ARL14EPL: variants seen among roughly 807,000 people sequenced by gnomAD.
ARL14EPL encodes the protein ARL14 effector protein-like.
Under a neutral mutation model 15.9 loss-of-function variants are expected in ARL14EPL, and 17 were observed. The ratio of observed to expected loss-of-function variants is 1.07; its 90% confidence interval spans 0.73 to 1.60. The LOEUF is 1.60. Among genes scored for constraint, ARL14EPL ranks in the 40% most tolerant of loss-of-function variants. ARL14EPL has a pLI of 0.00. For synonymous variants in ARL14EPL, 78 were observed against 63.8 expected, an observed-to-expected ratio of 1.22 and a Z score of -1.06; for missense variants, 214 against 185.9, an observed-to-expected ratio of 1.15 and a Z score of -0.88.
intron 3 of ARL14EPL, among the ~76,000 whole-genome samples, 164 bp from the exon 4 acceptor site, chr5:116,058,561 G>A (rs1440805259): frequency 6.6e-6 from 1 of 152,144 alleles, no homozygotes; most frequent in Non-Finnish European, 1.5e-5. Context: ...AGTGTTTCTG[G>A]TAATCCCTGG....
At chr5:116,053,974 T>C in intron 2 of ARL14EPL, 40 bp from the exon 3 acceptor site, 20 of 1,476,904 alleles carry the variant, frequency 1.4e-5, no homozygotes, top group Non-Finnish European at 1.6e-5. Context: ...CAGATAAAAC[T>C]ATCTGGTTCT....
At chr5:116,034,275 C>A (rs557557689) in intron 1 of ARL14EPL, among the ~76,000 whole-genome samples, 3 of 152,160 alleles carry the variant, frequency 2.0e-5, no homozygotes, top group Non-Finnish European at 4.4e-5. Context: ...GATGCCAGGG[C>A]TCTCAGGGTT....
chr5:116,049,781 C>G (rs1016138705), intron 1 of ARL14EPL, among the ~76,000 whole-genome samples: 4 of 152,194 alleles, frequency 2.6e-5, no homozygotes, highest in African/African-American at 9.7e-5. Flanking sequence ...TAAAACACCA[C>G]ATATAAGTCT....
intron 1 of ARL14EPL, among the ~76,000 whole-genome samples, chr5:116,036,290 CT>C (rs1230718387): frequency 3.3e-5 from 5 of 152,200 alleles, no homozygotes; most frequent in African/African-American, 1.2e-4. Flanking sequence ...CCATTACACT[CT>C]GAGAAGCCTC....
chr5:116,059,296 G>C lies in ARL14EPL; in HGVS notation c.*349G>C, dbSNP rs1749593959. 3 of 228,748 alleles carry C rather than the reference G, an allele frequency of 1.3e-5. No homozygotes were observed. Among genetic ancestry groups the C allele is most frequent in the Non-Finnish European group, 2.6e-5 (3 of 114,320 alleles). 14.2% of individuals were successfully genotyped at this position (228,748 alleles called of 1,614,324 possible). A position where few individuals can be genotyped will look rare whatever the true frequency, so the allele number is the denominator to read the frequency against. ...AAGATTTTCAAAACTCTGTAGTTGA[G>C]AGCTTTTCTTACATAGAACATAGAA... On this transcript the variant is annotated 3_prime_UTR_variant, in exon 4 of 4. Coordinates refer to ENST00000686077, the MANE Select transcript of ARL14EPL (RefSeq NM_001195581.2).
intron 1 of ARL14EPL, among the ~76,000 whole-genome samples, chr5:116,046,840 C>T (rs1437732247): frequency 1.3e-5 from 2 of 152,112 alleles, no homozygotes; most frequent in Non-Finnish European, 2.9e-5. Context: ...GTCTGAATTC[C>T]AGCATGACTA....
intron 3 of ARL14EPL, among the ~76,000 whole-genome samples, chr5:116,055,679 G>C (rs1025248513): frequency 1.3e-5 from 2 of 151,684 alleles, no homozygotes; most frequent in East Asian, 1.9e-4. Flanking sequence ...TTAAGTTCTA[G>C]GGTACATGTG....
At position 116,058,914 on chromosome 5, in the gene ARL14EPL, C is replaced by T. The variant is rs896389260; in HGVS notation, c.426C>T (p.Val142=). The change falls in exon 4 of 4, where the codon GTC becomes GTT. Residue 142 remains valine, a synonymous_variant. Transcript: ENST00000686077. The part of the protein sequence containing the change: ...YDAIVTESGE[V]ISTLPFNVPD ...CCATCGTCACTGAGTCAGGAGAGGTCATCAGCACGCTGCCGTTTAATGTTC... is the reference window on the plus strand; with the variant it reads ...CCATCGTCACTGAGTCAGGAGAGGTTATCAGCACGCTGCCGTTTAATGTTC... 2 of 1,535,958 alleles carry T rather than the reference C, an allele frequency of 1.3e-6. No individual in the cohort carries two copies. Among genetic ancestry groups the T allele is most frequent in the Non-Finnish European group, 1.7e-6 (2 of 1,146,888 alleles).
intron 1 of ARL14EPL, among the ~76,000 whole-genome samples, chr5:116,044,642 A>T (rs78741625): frequency 0.019 from 2,955 of 152,188 alleles, 100 homozygotes; most frequent in East Asian, 0.13. Flanking sequence ...TTAACTCTAG[A>T]TTAACTGATT....
chr5:116,057,315 T>C (rs147361299), intron 3 of ARL14EPL, among the ~76,000 whole-genome samples: 1 of 152,270 alleles, frequency 6.6e-6, no homozygotes, highest in African/African-American at 2.4e-5. Context: ...AACACTCTTT[T>C]GTTAAGCTGG....
At position 116,035,519 on chromosome 5, in the gene ARL14EPL, G is replaced by T. The variant is rs538897789; in HGVS notation, c.-10+3014G>T. ...ACTGCGAACTGATTACAAGGAATGG[G>T]TATTGGAGAACCAAAATGACAAAAG... On this transcript the variant is annotated intron_variant, in intron 1 of 3. Transcript: ENST00000686077. 2.1e-4 allele frequency among the ~76,000 whole-genome samples: 32 copies of T among 152,338 alleles called. No homozygotes were observed. The South Asian group carries it at 6.6e-3, about 32-fold the overall frequency.
chr5:116,055,698 G>A (rs1357581230), intron 3 of ARL14EPL, among the ~76,000 whole-genome samples: 1 of 151,700 alleles, frequency 6.6e-6, no homozygotes, highest in Admixed American at 6.6e-5. Flanking sequence ...TGCACAATGT[G>A]CAGGTTTGTT....
chr5:116,050,000 A>C (rs575784974), intron 1 of ARL14EPL, among the ~76,000 whole-genome samples: 32 of 152,306 alleles, frequency 2.1e-4, no homozygotes, highest in South Asian at 4.1e-4. Flanking sequence ...TAATGTGTTT[A>C]TTTTGTATAC....
intron 1 of ARL14EPL, among the ~76,000 whole-genome samples, chr5:116,049,051 G>C (rs1008283780): frequency 2.6e-5 from 4 of 152,086 alleles, no homozygotes; most frequent in Non-Finnish European, 2.9e-5. Flanking sequence ...TTGTTTGGAC[G>C]TAGCCCATGG....
chr5:116,050,966 G>A (rs577363062), intron 1 of ARL14EPL, among the ~76,000 whole-genome samples: 10 of 152,282 alleles, frequency 6.6e-5, no homozygotes, highest in Middle Eastern at 3.4e-3. Context: ...AGCACAAGCT[G>A]CATTAGAAAT....
chr5:116,040,533 C>T (rs944811584), intron 1 of ARL14EPL, among the ~76,000 whole-genome samples: 9 of 150,532 alleles, frequency 6.0e-5, no homozygotes, highest in African/African-American at 1.7e-4. Flanking sequence ...ACGTAGTGGA[C>T]GATATTAGTA....
intron 1 of ARL14EPL, among the ~76,000 whole-genome samples, chr5:116,038,870 G>A (rs961654172): frequency 5.9e-5 from 9 of 152,142 alleles, no homozygotes; most frequent in South Asian, 2.1e-4. Flanking sequence ...TTTAATGGGA[G>A]GCAGAACCTT....
chr5:116,034,644 C>T (rs1035597837), intron 1 of ARL14EPL, among the ~76,000 whole-genome samples: 1 of 151,856 alleles, frequency 6.6e-6, no homozygotes, highest in African/African-American at 2.4e-5. Flanking sequence ...ATGTGATCAG[C>T]AGGAAAATTC....
At chr5:116,056,864 A>G (rs1225672764) in intron 3 of ARL14EPL, among the ~76,000 whole-genome samples, 1 of 152,186 alleles carries the variant, frequency 6.6e-6, no homozygotes, top group African/African-American at 2.4e-5. Flanking sequence ...CTTTCTACAT[A>G]TGGCTAGCCA....
Sources: gnomAD v4.1 joint callset for allele counts (sites outside exome capture counted in the v4.1 genomes callset) on GRCh38, gnomAD v4.1.1 for gene constraint, MANE v1.5 for transcripts, NCBI Gene and HGNC (gene_info 2026-07-23, HGNC 2026-07-21) for gene names.